GAS7: variants seen among roughly 807,000 people sequenced by gnomAD.
GAS7 encodes the protein growth arrest specific 7.
In GAS7, 28 loss-of-function variants were observed where a neutral mutation model predicts 71.1. The ratio of observed to expected loss-of-function variants is 0.39; its 90% CI spans 0.29 to 0.54. The LOEUF is 0.54. Ranked by LOEUF, GAS7 falls within the 20% of genes least tolerant of loss-of-function variation. The probability of loss-of-function intolerance (pLI) is 0.62; values close to 1 mark genes in which losing one functional copy is unlikely to be tolerated. For synonymous variants in GAS7, 258 were observed against 245.8 expected, an observed-to-expected ratio of 1.05 and a Z score of -0.46; for missense variants, 436 against 627.8, an observed-to-expected ratio of 0.69 and a Z score of 3.27.
At chr17:10,075,271 G>C (rs971518201) in intron 1 of GAS7, among the ~76,000 whole-genome samples, 1 of 150,428 alleles carries the variant, frequency 6.6e-6, no homozygotes, top group Non-Finnish European at 1.5e-5. Context: ...CAGGAGAATC[G>C]CTTGAACCCA....
At chr17:10,150,647 G>A (rs999259062) in intron 1 of GAS7, among the ~76,000 whole-genome samples, 2 of 147,148 alleles carry the variant, frequency 1.4e-5, no homozygotes, top group Non-Finnish European at 3.0e-5. Context: ...GGAGTGCAGT[G>A]GCACGATCTC....
intron 5 of GAS7, among the ~76,000 whole-genome samples, chr17:9,955,824 C>T (rs2069210269): frequency 6.6e-6 from 1 of 152,190 alleles, no homozygotes; most frequent in South Asian, 2.1e-4. Flanking sequence ...GTGTCCTCAA[C>T]AAAGCCGCGT....
intron 5 of GAS7, among the ~76,000 whole-genome samples, chr17:9,957,502 C>A (rs992250043): frequency 1.3e-5 from 2 of 152,236 alleles, no homozygotes; most frequent in South Asian, 2.1e-4. Flanking sequence ...CAACCCTCCA[C>A]GACATAACAC....
chr17:10,106,112 C>A (rs1456487708), intron 1 of GAS7, among the ~76,000 whole-genome samples: 5 of 152,236 alleles, frequency 3.3e-5, no homozygotes, highest in Admixed American at 2.6e-4. Context: ...TTCCTCTTGT[C>A]ATATCAACTC....
chr17:9,917,980 C>A, intron 13 of GAS7, 21 bp downstream of exon 13: 2 of 1,576,122 alleles, frequency 1.3e-6, no homozygotes, highest in Non-Finnish European at 1.7e-6. Flanking sequence ...GCCCGGGAGC[C>A]CCGCTGGGCT....
rs535089489 is a variant in GAS7, at chr17:10,110,497, G to A, written c.183+87711C>T. ...TTCTTTTTTTTTAAGACGGAGTCTC[G>A]CTGTGACACCCAGGCTGAAGTGCAA... is the stretch of plus-strand genomic sequence containing the variant. On this transcript the variant is annotated intron_variant, in intron 1 of 13. Coordinates refer to ENST00000432992, the MANE Select transcript of GAS7 (RefSeq NM_201433.2). Among the ~76,000 whole-genome samples, 8 of 152,066 alleles carry A rather than the reference G, an allele frequency of 5.3e-5. No homozygotes were observed. The South Asian group carries it at 8.3e-4, about 16-fold the overall frequency.
intron 1 of GAS7, among the ~76,000 whole-genome samples, chr17:10,099,796 C>A (rs995472155): frequency 2.0e-5 from 3 of 152,182 alleles, no homozygotes; most frequent in African/African-American, 7.2e-5. Context: ...CCAAGGTATA[C>A]CCTCTCACCA....
chr17:10,124,965 T>C (rs2073933332), intron 1 of GAS7, among the ~76,000 whole-genome samples: 1 of 151,290 alleles, frequency 6.6e-6, no homozygotes. Context: ...ACACCATGGG[T>C]CAAAATGTGC....
Position 9,917,155 on chromosome 17 carries a change from A to G in GAS7, c.*73T>C, listed in dbSNP as rs1165916722. On this transcript the variant is annotated 3_prime_UTR_variant, in exon 14 of 14. Transcript: ENST00000432992. Reference sequence around the variant, plus strand: ...CCAGGAGAGAGGGTGGGGGGCATCCACTCGGCATGGGCCCCATGGTGGGAG... The same window carrying G: ...CCAGGAGAGAGGGTGGGGGGCATCCGCTCGGCATGGGCCCCATGGTGGGAG... The G allele has an allele frequency of 1.1e-6, 1 of 938,872 alleles. No homozygotes were observed. Among genetic ancestry groups the G allele is most frequent in the Non-Finnish European group, 1.8e-6 (1 of 566,338 alleles). 58.2% of individuals were successfully genotyped at this position (938,872 alleles called of 1,614,324 possible).
chr17:10,000,152 G>C (rs1229702636), intron 2 of GAS7, among the ~76,000 whole-genome samples: 2 of 152,208 alleles, frequency 1.3e-5, no homozygotes, highest in African/African-American at 2.4e-5. Flanking sequence ...TGTGATATAA[G>C]CATCACAGTC....
chr17:9,958,789 T>C (rs1477068293), intron 5 of GAS7: 1 of 183,320 alleles, frequency 5.5e-6, no homozygotes, highest in Admixed American at 5.7e-5. Flanking sequence ...CTTAGGACGC[T>C]TTCTCTTGCT....
chr17:10,178,961 G>A (rs79507269), intron 1 of GAS7, among the ~76,000 whole-genome samples: 1 of 152,068 alleles, frequency 6.6e-6, no homozygotes, highest in African/African-American at 2.4e-5. Context: ...CTGGGGCACA[G>A]AAAGAGCTCA....
intron 1 of GAS7, among the ~76,000 whole-genome samples, chr17:10,106,684 T>A (rs1030459409): frequency 6.6e-6 from 1 of 152,074 alleles, no homozygotes; most frequent in Non-Finnish European, 1.5e-5. Context: ...AACTCAGAAC[T>A]CCTGGGGAGT....
intron 1 of GAS7, among the ~76,000 whole-genome samples, chr17:10,073,872 T>C (rs1476119878): frequency 1.3e-5 from 2 of 152,238 alleles, no homozygotes; most frequent in East Asian, 1.9e-4. Context: ...CAATCTCAGA[T>C]GAAAATGTTT....
intron 2 of GAS7, among the ~76,000 whole-genome samples, chr17:9,997,236 G>A (rs2071082762): frequency 6.7e-6 from 1 of 148,284 alleles, no homozygotes; most frequent in Non-Finnish European, 1.5e-5. Context: ...ATTTTAAAGG[G>A]GCCGGGCGGG....
intron 1 of GAS7, among the ~76,000 whole-genome samples, chr17:10,131,187 G>C (rs1024259732): frequency 6.6e-6 from 1 of 152,164 alleles, no homozygotes; most frequent in Admixed American, 6.5e-5. Context: ...TCTAGACCTC[G>C]AAGAGCAGCG....
chr17:10,153,807 C>T (rs965981513), intron 1 of GAS7, among the ~76,000 whole-genome samples: 1 of 152,186 alleles, frequency 6.6e-6, no homozygotes, highest in African/African-American at 2.4e-5. Flanking sequence ...TGGCTCATGC[C>T]TGTAATCCCA....
At chr17:10,119,440 T>C (rs2073888197) in intron 1 of GAS7, among the ~76,000 whole-genome samples, 1 of 152,198 alleles carries the variant, frequency 6.6e-6, no homozygotes. Context: ...CAACTAATTA[T>C]AGAAAGGTTA....
intron 1 of GAS7, among the ~76,000 whole-genome samples, chr17:10,083,014 G>C (rs2073475045): frequency 6.6e-6 from 1 of 152,196 alleles, no homozygotes; most frequent in Non-Finnish European, 1.5e-5. Context: ...TGACTGCAAA[G>C]GGGCAAAGGA....
Sources: gnomAD v4.1 joint callset for allele counts (sites outside exome capture counted in the v4.1 genomes callset) on GRCh38, gnomAD v4.1.1 for gene constraint, MANE v1.5 for transcripts, NCBI Gene and HGNC (gene_info 2026-07-23, HGNC 2026-07-21) for gene names.